Variants in PTPRZ1 observed in about 807,000 individuals in gnomAD.
PTPRZ1 encodes the protein receptor-type tyrosine-protein phosphatase zeta.
In PTPRZ1, 82 loss-of-function variants were observed where a neutral mutation model predicts 214.1. The observed-to-expected ratio is 0.38, with a 90% CI of 0.32 to 0.46. PTPRZ1 has a LOEUF of 0.46. PTPRZ1 is among the 20% of genes least tolerant of loss of function. PTPRZ1 has a pLI of 1.00. For missense variants in PTPRZ1, 2,603 were observed against 2,748.7 expected (o/e 0.95, Z 1.19); for synonymous variants, 945 against 987.9 (o/e 0.96, Z 0.81).
chr7:121,927,993 G>A (rs1026942035), intron 1 of PTPRZ1, among the ~76,000 whole-genome samples, 163 bp from the exon 2 acceptor site: 4 of 152,236 alleles, frequency 2.6e-5, no homozygotes, highest in African/African-American at 9.6e-5. Context: ...GGGCATTGGA[G>A]TGTATAATAT....
At chr7:122,055,757 A>T (rs916073336) in intron 27 of PTPRZ1, among the ~76,000 whole-genome samples, 2 of 151,930 alleles carry the variant, frequency 1.3e-5, no homozygotes, top group Non-Finnish European at 2.9e-5. Context: ...ATACTAAAAG[A>T]TACTAACAAT....
chr7:121,912,254 G>A (rs1795301077), intron 1 of PTPRZ1, among the ~76,000 whole-genome samples: 1 of 152,166 alleles, frequency 6.6e-6, no homozygotes, highest in Non-Finnish European at 1.5e-5. Flanking sequence ...TCAATATAGT[G>A]TCCCTATCCA....
chr7:121,915,347 T>C (rs1162353198), intron 1 of PTPRZ1, among the ~76,000 whole-genome samples: 1 of 152,198 alleles, frequency 6.6e-6, no homozygotes, highest in African/African-American at 2.4e-5. Flanking sequence ...CCCCTTGCTC[T>C]GAGACCGGAG....
chr7:121,901,600 T>C (rs1794960986), intron 1 of PTPRZ1, among the ~76,000 whole-genome samples: 1 of 152,220 alleles, frequency 6.6e-6, no homozygotes, highest in African/African-American at 2.4e-5. Context: ...TTTTAGAATG[T>C]AACAATTACT....
At chr7:122,059,621 AAGAG>A in intron 28 of PTPRZ1, 128 bp from the exon 29 acceptor site, 3 of 1,013,224 alleles carry the variant, frequency 3.0e-6, no homozygotes, top group Non-Finnish European at 4.2e-6. Context: ...GCAAAAAGCG[AAGAG>A]AGACAATTCA....
intron 11 of PTPRZ1, among the ~76,000 whole-genome samples, chr7:122,007,769 A>G (rs1460828253): frequency 6.6e-6 from 1 of 152,208 alleles, no homozygotes; most frequent in African/African-American, 2.4e-5. Context: ...GTGAAGGATA[A>G]CATATGACAC....
intron 27 of PTPRZ1, among the ~76,000 whole-genome samples, chr7:122,058,358 C>T (rs1001267689): frequency 6.6e-6 from 1 of 151,962 alleles, no homozygotes; most frequent in Non-Finnish European, 1.5e-5. Flanking sequence ...ACCTCCTTGT[C>T]GGCGTTTTCT....
At chr7:121,978,916 G>A (rs1000098004) in intron 6 of PTPRZ1, among the ~76,000 whole-genome samples, 1 of 151,918 alleles carries the variant, frequency 6.6e-6, no homozygotes, top group African/African-American at 2.4e-5. Context: ...ATCCCCTACT[G>A]CCCAATAAAC....
At chr7:121,984,781 C>T (rs781362844) in intron 8 of PTPRZ1, among the ~76,000 whole-genome samples, 6 of 151,570 alleles carry the variant, frequency 4.0e-5, no homozygotes, top group African/African-American at 1.5e-4. Flanking sequence ...TCTAGAATGC[C>T]GTCTGTTTTT....
chr7:122,036,546 TTG>T, intron 17 of PTPRZ1, 52 bp from the exon 18 acceptor site: 1 of 1,145,620 alleles, frequency 8.7e-7, no homozygotes, highest in Non-Finnish European at 1.3e-6. Flanking sequence ...TGAATTATCT[TTG>T]TGCTGAAAAG....
chr7:122,059,889 G>T lies in PTPRZ1; in HGVS notation c.6807+1G>T, dbSNP rs1242816203. On this transcript the variant is annotated splice_donor_variant, in intron 29 of 29. Transcript: ENST00000393386. LOFTEE classifies it high-confidence loss of function. ...GAGGCCAGGAGTCTTTGCTGACATT[G>T]TAAGTAACAAGGCAGTGAACGAAAT... 1 of 1,608,292 alleles carries T rather than the reference G, an allele frequency of 6.2e-7. No individual in the cohort carries two copies.
At chr7:122,018,433 C>T (rs919701477) in intron 12 of PTPRZ1, among the ~76,000 whole-genome samples, 3 of 152,046 alleles carry the variant, frequency 2.0e-5, no homozygotes, top group Admixed American at 6.6e-5. Flanking sequence ...GGACCAAATT[C>T]GGATTTTTAA....
At position 122,012,687 on chromosome 7, in the gene PTPRZ1, T is replaced by C. The variant is rs1330602228; in HGVS notation, c.3641T>C (p.Val1214Ala). The C allele has an allele frequency of 1.9e-6, 3 of 1,611,124 alleles. No individual in the cohort carries two copies. Among genetic ancestry groups the C allele is most frequent in the Middle Eastern group, 1.6e-4 (1 of 6,072 alleles). ...SDPILVETPK[V>A]DKISSTMLHL... ...CCAATATTGGTTGAAACCCCCAAAG[T>C]TGATAAAATTAGTTCTACAATGTTG... The change falls in exon 12 of 30, where the codon GTT becomes GCT. Residue 1214 changes from valine to alanine, a missense_variant. This residue lies in a region of PTPRZ1 where 1,913 missense variants were observed against 1,914.3 expected (regional missense o/e 1.00). Transcript: ENST00000393386.
At chr7:121,963,707 A>G (rs1286754623) in intron 2 of PTPRZ1, among the ~76,000 whole-genome samples, 1 of 152,172 alleles carries the variant, frequency 6.6e-6, no homozygotes, top group Non-Finnish European at 1.5e-5. Flanking sequence ...GCCCTATTGA[A>G]GATAGCTTTG....
chr7:121,935,712 C>T lies in PTPRZ1; in HGVS notation c.124+7491C>T, dbSNP rs1175826743. Among the ~76,000 whole-genome samples, 9 of 151,974 alleles carry T rather than the reference C, an allele frequency of 5.9e-5. No individual in the cohort carries two copies. In the East Asian group the frequency reaches 1.2e-3, roughly 20 times the overall value. On this transcript the variant is annotated intron_variant, in intron 2 of 29. Transcript: ENST00000393386. ...CCTCCTGAGTAGCTGGGACTACAGG[C>T]GCCCGCCACCACATCCCGGCTAATT...
intron 15 of PTPRZ1, among the ~76,000 whole-genome samples, chr7:122,032,749 A>C (rs915382559): frequency 6.6e-6 from 1 of 152,348 alleles, no homozygotes; most frequent in Non-Finnish European, 1.5e-5. Context: ...CTAATTTAAA[A>C]ATAATAGAAG....
At chr7:121,904,613 C>T (rs2116279173) in intron 1 of PTPRZ1, among the ~76,000 whole-genome samples, 1 of 152,210 alleles carries the variant, frequency 6.6e-6, no homozygotes, top group East Asian at 1.9e-4. Context: ...AGGAAATGTA[C>T]TTTAATTCCT....
rs554654335 is a variant in PTPRZ1 at position 122,020,148 on chromosome 7, C to T, written c.4988+880C>T. ...TTTGTATCAGCACTCTTTATGTGTT[C>T]TCTCAAAATATATTCTCGTGTTTTT... On this transcript the variant is annotated intron_variant, in intron 13 of 29. Coordinates refer to ENST00000393386, the MANE Select transcript of PTPRZ1 (RefSeq NM_002851.3). 2.6e-5 allele frequency among the ~76,000 whole-genome samples: 4 copies of T among 152,206 alleles called. No homozygotes were observed. The South Asian group carries it at 8.3e-4, about 32-fold the overall frequency.
chr7:122,037,480 C>A (rs1348586020), intron 18 of PTPRZ1, among the ~76,000 whole-genome samples: 1 of 152,074 alleles, frequency 6.6e-6, no homozygotes, highest in East Asian at 1.9e-4. Context: ...CTTACTGGGA[C>A]TCTCCAGAGA....
Sources: allele counts gnomAD v4.1 joint callset (sites outside exome capture counted in the v4.1 genomes callset), GRCh38; gene constraint gnomAD v4.1.1; regional missense constraint gnomAD v4.1.1; transcripts MANE v1.5; gene names NCBI Gene and HGNC (gene_info 2026-07-23, HGNC 2026-07-21).